Variants in CLDN14 observed in about 807,000 individuals in gnomAD.
CLDN14 encodes claudin-14.
Under a neutral mutation model 2.1 loss-of-function variants are expected in CLDN14, and 2 were observed. That is an observed-to-expected ratio of 0.96 (90% CI 0.39 to 3.01). The LOEUF is 3.01. Ranked by LOEUF, CLDN14 falls within the 30% of genes most tolerant of loss-of-function variation. The pLI is 0.09. For missense variants in CLDN14, 298 were observed against 328.0 expected (o/e 0.91, Z 0.71); for synonymous variants, 136 against 154.4 (o/e 0.88, Z 0.88).
rs2087243512 is a variant in CLDN14, at chr21:36,518,282, T to A, written c.-219-7782A>T. On this transcript the variant is annotated intron_variant, in intron 1 of 2. Coordinates refer to the CLDN14 transcript ENST00000342108. Reference sequence around the variant, plus strand: ...TCAAAAATAAGTTGACATTGCAAATTTCATCTCATCAAATGCTAAAAAAAG... The same window carrying A: ...TCAAAAATAAGTTGACATTGCAAATATCATCTCATCAAATGCTAAAAAAAG... 2.0e-5 allele frequency among the ~76,000 whole-genome samples: 3 copies of A among 152,296 alleles called. 1 individual carries two copies. In the South Asian group the frequency reaches 6.2e-4, roughly 32 times the overall value.
At chr21:36,536,332 C>T (rs544757949) in intron 1 of CLDN14, among the ~76,000 whole-genome samples, 8 of 152,270 alleles carry the variant, frequency 5.3e-5, no homozygotes, top group South Asian at 2.1e-4. Context: ...AGTTCTCCCT[C>T]GTGTTAGATG....
At chr21:36,462,033 A>G (rs1406452776) in intron 1 of CLDN14, among the ~76,000 whole-genome samples, 1 of 152,148 alleles carries the variant, frequency 6.6e-6, no homozygotes. Flanking sequence ...AGTTCTGCTT[A>G]TGTCCACCCT....
intron 1 of CLDN14, among the ~76,000 whole-genome samples, chr21:36,523,027 G>A (rs1048216466): frequency 5.9e-5 from 9 of 152,112 alleles, no homozygotes; most frequent in African/African-American, 2.2e-4. Flanking sequence ...AGACCAACCA[G>A]GCACTTGGCA....
In CLDN14 at chr21:36,564,265, T is replaced by C. The variant is rs564892301; in HGVS notation, c.-220+12146A>G. Among the ~76,000 whole-genome samples the C allele has an allele frequency of 2.3e-3, 351 of 152,366 alleles. 1 individual carries two copies. Among genetic ancestry groups the C allele is most frequent in the African/African-American group, 7.9e-3 (330 of 41,582 alleles). On this transcript the variant is annotated intron_variant, in intron 1 of 2. Coordinates refer to the CLDN14 transcript ENST00000342108. Reference sequence around the variant, plus strand: ...AGGATGCCTGTTTTCCTAACTTAGGTGTAATCACCAGGTGCCCTACTTAAA... The same window carrying C: ...AGGATGCCTGTTTTCCTAACTTAGGCGTAATCACCAGGTGCCCTACTTAAA...
At chr21:36,483,952 C>G (rs1464192424), upstream of CLDN14, among the ~76,000 whole-genome samples, 1 of 152,214 alleles carries the variant, frequency 6.6e-6, no homozygotes, top group African/African-American at 2.4e-5. Flanking sequence ...CTGAGCCTCT[C>G]TTGCCCTGTA....
Position 36,500,679 on chromosome 21 carries a change from G to A in CLDN14, c.-82+9684C>T, listed in dbSNP as rs532811617. 3.1e-3 allele frequency among the ~76,000 whole-genome samples: 470 copies of A among 152,260 alleles called. 4 individuals are homozygous for A. The highest frequency in any genetic ancestry group is 0.011 in the African/African-American group (453 of 41,556). On this transcript the variant is annotated intron_variant, in intron 2 of 2. Coordinates refer to the CLDN14 transcript ENST00000342108. ...ACTCCTTGCCTCAAGTGATCCACCC[G>A]CCTCGGCCTCCCAAAGTGCTGGGAT...
chr21:36,489,128 A>AAT (rs1555847037), intron 2 of CLDN14, among the ~76,000 whole-genome samples: 3,505 of 101,462 alleles, frequency 0.035, 193 homozygotes, highest in East Asian at 0.3. Context: ...AAAAAAAAAA[A>AAT]AAAATATATA....
chr21:36,490,949 G>GACACACACACACACAC (rs3030068), intron 2 of CLDN14, among the ~76,000 whole-genome samples: 38 of 148,754 alleles, frequency 2.6e-4, no homozygotes, highest in African/African-American at 8.7e-4. Context: ...CAAGTGCACA[G>GACACACACACACACAC]ACACACACAC....
intron 1 of CLDN14, among the ~76,000 whole-genome samples, chr21:36,537,659 T>TTG (rs990966606): frequency 6.7e-6 from 1 of 150,154 alleles, no homozygotes; most frequent in African/African-American, 2.4e-5. Context: ...TTCTTTTCTT[T>TTG]TTTTTTTTGA....
rs187650980 is a variant in CLDN14, at chr21:36,529,692, C to T, written c.-219-19192G>A. Among the ~76,000 whole-genome samples the T allele has an allele frequency of 1.8e-4, 28 of 152,264 alleles. 1 individual carries two copies. The highest frequency in any genetic ancestry group is 1.8e-3 in the Admixed American group (28 of 15,296). On this transcript the variant is annotated intron_variant, in intron 1 of 2. Coordinates refer to the CLDN14 transcript ENST00000342108. The stretch of plus-strand genomic sequence containing the variant: ...TTTTCTGTAATAATTTCCCTTAATC[C>T]TTATTTAGATTTGTAAGTCTAAACA...
chr21:36,557,880 T>C (rs1437631199), intron 1 of CLDN14, among the ~76,000 whole-genome samples: 1 of 152,190 alleles, frequency 6.6e-6, no homozygotes, highest in Non-Finnish European at 1.5e-5. Context: ...TGTCATGAAG[T>C]TTTTCCTTAA....
At chr21:36,554,656 G>A (rs866689490) in intron 1 of CLDN14, among the ~76,000 whole-genome samples, 27 of 152,084 alleles carry the variant, frequency 1.8e-4, no homozygotes, top group African/African-American at 5.6e-4. Context: ...GGTCAGAGTC[G>A]GCATTCTGAT....
At chr21:36,503,235 G>A (rs2087104412) in intron 2 of CLDN14, among the ~76,000 whole-genome samples, 1 of 152,128 alleles carries the variant, frequency 6.6e-6, no homozygotes, top group Non-Finnish European at 1.5e-5. Context: ...TGTATTTTTA[G>A]TAGAGACAGG....
intron 2 of CLDN14, among the ~76,000 whole-genome samples, chr21:36,509,320 T>C (rs1221141170): frequency 1.3e-5 from 2 of 151,768 alleles, no homozygotes; most frequent in Non-Finnish European, 2.9e-5. Flanking sequence ...AAAGCAGGAG[T>C]GGCTCTTTGT....
At chr21:36,483,675 C>G (rs1035781189), upstream of CLDN14, among the ~76,000 whole-genome samples, 1 of 152,184 alleles carries the variant, frequency 6.6e-6, no homozygotes, top group African/African-American at 2.4e-5. Flanking sequence ...AATGATGTAG[C>G]TGTGTGAGTT....
At chr21:36,547,555 G>A (rs577327546) in intron 1 of CLDN14, among the ~76,000 whole-genome samples, 4 of 152,164 alleles carry the variant, frequency 2.6e-5, no homozygotes, top group South Asian at 2.1e-4. Flanking sequence ...TCAGAAACAC[G>A]TGGAGAGGCG....
At chr21:36,530,105 G>A (rs1306850205) in intron 1 of CLDN14, among the ~76,000 whole-genome samples, 1 of 152,212 alleles carries the variant, frequency 6.6e-6, no homozygotes, top group Non-Finnish European at 1.5e-5. Context: ...AGGCGGGCCG[G>A]GAAGGGATGT....
chr21:36,551,512 G>A lies in CLDN14; in HGVS notation c.-220+24899C>T, dbSNP rs2087563304. Among the ~76,000 whole-genome samples, 1 of 152,144 alleles carries A rather than the reference G, an allele frequency of 6.6e-6. No homozygotes were observed. The highest frequency in any genetic ancestry group is 2.4e-5 in the African/African-American group (1 of 41,426). ...GGCAGGGTGGCTGGCACAGGGTAGG[G>A]GTACCACAAATAACTGTTGGAGTGT... On this transcript the variant is annotated intron_variant, in intron 1 of 2. Coordinates refer to the CLDN14 transcript ENST00000342108. This position sits in a 1 kb window ranked among gnomAD's most constrained non-coding sequence, Gnocchi z 4.8.
chr21:36,522,662 G>A (rs1354604329), intron 1 of CLDN14, among the ~76,000 whole-genome samples: 1 of 152,232 alleles, frequency 6.6e-6, no homozygotes, highest in Non-Finnish European at 1.5e-5. Flanking sequence ...GCTGTCCCCG[G>A]AGCCCAACAC....
Sources: allele counts gnomAD v4.1 joint callset (sites outside exome capture counted in the v4.1 genomes callset), GRCh38; gene constraint gnomAD v4.1.1; non-coding constraint Gnocchi (gnomAD v3.1); transcripts MANE v1.5; gene names NCBI Gene and HGNC (gene_info 2026-07-23, HGNC 2026-07-21).